Variants in PTPRM observed in about 807,000 individuals in gnomAD.
PTPRM encodes receptor-type tyrosine-protein phosphatase mu.
A neutral mutation model predicts 186.7 loss-of-function variants in PTPRM; 47 were observed. The ratio of observed to expected loss-of-function variants is 0.25; its 90% CI spans 0.20 to 0.32. The LOEUF (loss-of-function observed/expected upper bound fraction) is 0.32. Ranked by LOEUF, PTPRM falls within the 10% of genes least tolerant of loss-of-function variation. The pLI is 1.00. For missense variants in PTPRM, 1,494 were observed against 1,865.0 expected (o/e 0.80, Z 3.66); for synonymous variants, 668 against 674.9 (o/e 0.99, Z 0.16).
At chr18:8,085,921 T>G in intron 10 of PTPRM, 49 bp downstream of exon 10, 1 of 1,554,068 alleles carries the variant, frequency 6.4e-7, no homozygotes, top group Non-Finnish European at 8.9e-7. Flanking sequence ...AACATTTTTG[T>G]CCGTTTTCAT....
At chr18:8,325,185 CA>C (rs1008164869) in intron 22 of PTPRM, among the ~76,000 whole-genome samples, 44 of 152,250 alleles carry the variant, frequency 2.9e-4, no homozygotes, top group African/African-American at 1.0e-3. Flanking sequence ...CTTTTAGGTT[CA>C]GGGGTACATG....
intron 7 of PTPRM, among the ~76,000 whole-genome samples, chr18:8,007,611 G>C (rs1257460893): frequency 6.6e-6 from 1 of 152,126 alleles, no homozygotes; most frequent in Non-Finnish European, 1.5e-5. Flanking sequence ...TCTGACCACT[G>C]TTCATCCCGA....
chr18:8,070,584 A>G (rs2089409156), intron 8 of PTPRM, among the ~76,000 whole-genome samples: 1 of 152,206 alleles, frequency 6.6e-6, no homozygotes, highest in Non-Finnish European at 1.5e-5. Context: ...TGTCACCAGT[A>G]ACGCATCAAA....
chr18:7,888,209 C>G lies in PTPRM; in HGVS notation c.300C>G (p.His100Gln). 6.2e-7 allele frequency: 1 copy of G among 1,614,132 alleles called. No homozygotes were observed. The highest frequency in any genetic ancestry group is 2.2e-5 in the East Asian group (1 of 44,876). ...KENDTHCIDF[H>Q]YFVSSKSNSP... ...ATGACACCCACTGCATCGATTTTCA[C>G]TATTTTGTGTCCAGCAAGAGTAATT... Residue 100 changes from histidine to glutamine, a missense_variant, in exon 3 of 33, where the codon CAC becomes CAG. By Grantham distance (24) the His-to-Gln change is conservative. Transcript: ENST00000580170.
chr18:7,965,108 T>G (rs185467498), intron 7 of PTPRM, among the ~76,000 whole-genome samples: 101 of 149,736 alleles, frequency 6.7e-4, no homozygotes, highest in Non-Finnish European at 5.2e-4. Flanking sequence ...TGCAATGGCA[T>G]GATCTCGGCT....
chr18:8,065,792 G>A (rs1860473469), intron 7 of PTPRM, among the ~76,000 whole-genome samples: 1 of 152,184 alleles, frequency 6.6e-6, no homozygotes, highest in Non-Finnish European at 1.5e-5. Flanking sequence ...TAGAATGCTT[G>A]TAATGCTGTG....
At chr18:8,046,581 C>T (rs774476519) in intron 7 of PTPRM, among the ~76,000 whole-genome samples, 22 of 152,118 alleles carry the variant, frequency 1.4e-4, no homozygotes, top group Middle Eastern at 3.2e-3. Context: ...AGTATGATTC[C>T]CTATCCCAGC....
chr18:8,357,198 T>C (rs1162946511), intron 23 of PTPRM, among the ~76,000 whole-genome samples: 1 of 152,220 alleles, frequency 6.6e-6, no homozygotes, highest in Non-Finnish European at 1.5e-5. Context: ...TTCACATGAA[T>C]TGTGTAGAGG....
chr18:7,889,368 G>T (rs948424515), intron 3 of PTPRM, among the ~76,000 whole-genome samples: 5 of 122,254 alleles, frequency 4.1e-5, no homozygotes, highest in African/African-American at 1.3e-4. Flanking sequence ...ACTGGGACTC[G>T]TTCCATCACC....
chr18:8,340,225 G>T (rs758652054), intron 22 of PTPRM, among the ~76,000 whole-genome samples: 14 of 152,200 alleles, frequency 9.2e-5, no homozygotes, highest in Non-Finnish European at 1.9e-4. Flanking sequence ...GCACTGCAGG[G>T]AGATGTCTCT....
chr18:8,383,814 C>T (rs1435002606), intron 29 of PTPRM, among the ~76,000 whole-genome samples: 1 of 152,166 alleles, frequency 6.6e-6, no homozygotes, highest in Non-Finnish European at 1.5e-5. Context: ...GTTATAAATC[C>T]ACATGCAATC....
At chr18:8,371,108 A>T in intron 24 of PTPRM, 102 bp downstream of exon 24, 1 of 623,174 alleles carries the variant, frequency 1.6e-6, no homozygotes, top group East Asian at 2.9e-5. Flanking sequence ...TCATATCTCA[A>T]TGCAGGTAGG....
At chr18:7,812,720 AG>A (rs1191749843) in intron 2 of PTPRM, among the ~76,000 whole-genome samples, 52 of 151,638 alleles carry the variant, frequency 3.4e-4, no homozygotes, top group African/African-American at 1.3e-3. Flanking sequence ...AGACTTGGAA[AG>A]TTTTTTTTTT....
intron 14 of PTPRM, among the ~76,000 whole-genome samples, chr18:8,186,439 C>A (rs146143646): frequency 2.0e-5 from 3 of 152,138 alleles, no homozygotes; most frequent in Non-Finnish European, 4.4e-5. Flanking sequence ...AGGGCTCTTT[C>A]CATGTTAACC....
intron 14 of PTPRM, among the ~76,000 whole-genome samples, chr18:8,212,978 C>A (rs1271652368): frequency 6.6e-6 from 1 of 152,116 alleles, no homozygotes; most frequent in African/African-American, 2.4e-5. Context: ...ATGCAGTATT[C>A]CAGAAGACCA....
intron 2 of PTPRM, among the ~76,000 whole-genome samples, chr18:7,794,358 T>C (rs2043496082): frequency 6.6e-6 from 1 of 152,140 alleles, no homozygotes; most frequent in African/African-American, 2.4e-5. Flanking sequence ...TCACACTGCC[T>C]GTCTGTATGC....
intron 27 of PTPRM, 102 bp downstream of exon 27, chr18:8,378,516 G>T (rs2095710491): frequency 1.4e-6 from 2 of 1,414,452 alleles, no homozygotes; most frequent in Non-Finnish European, 1.9e-6. Flanking sequence ...AGGTTCCTTG[G>T]CCTCCATAGC....
At chr18:7,594,216 A>G (rs2143661964) in intron 1 of PTPRM, among the ~76,000 whole-genome samples, 1 of 152,332 alleles carries the variant, frequency 6.6e-6, no homozygotes, top group South Asian at 2.1e-4. Flanking sequence ...AAAATTGTCC[A>G]GGCGTGGTGG....
intron 4 of PTPRM, among the ~76,000 whole-genome samples, chr18:7,920,764 G>T (rs1305658691): frequency 1.3e-5 from 2 of 151,880 alleles, no homozygotes; most frequent in Non-Finnish European, 2.9e-5. Flanking sequence ...ATTCCCTTTA[G>T]CCTTTCTTGT....
Sources: gnomAD v4.1 joint callset for allele counts (sites outside exome capture counted in the v4.1 genomes callset) on GRCh38, gnomAD v4.1.1 for gene constraint, MANE v1.5 for transcripts, NCBI Gene and HGNC (gene_info 2026-07-23, HGNC 2026-07-21) for gene names.